Variants in KPNA7 observed in about 807,000 individuals in gnomAD.
KPNA7 encodes the protein importin subunit alpha-8.
Under a neutral mutation model 53.7 loss-of-function variants are expected in KPNA7, and 54 were observed. That is an observed-to-expected ratio of 1.01 (90% CI 0.81 to 1.26). The LOEUF is 1.26. KPNA7 is among the 50% of genes most tolerant of loss of function. The pLI is 0.00. For synonymous variants in KPNA7, 276 were observed against 259.3 expected (o/e 1.06, Z -0.62); for missense variants, 640 against 644.5 (o/e 0.99, Z 0.07).
At chr7:99,162,367 A>C in the KPNA7 span, among the ~76,000 whole-genome samples, 1 of 152,140 alleles carries the variant, frequency 6.6e-6, no homozygotes, top group African/African-American at 2.4e-5. Flanking sequence ...TTTGAGGTAC[A>C]TTACAATTTC....
chr7:99,192,056 A>C (rs1789984432), intron 6 of KPNA7, among the ~76,000 whole-genome samples: 1 of 152,162 alleles, frequency 6.6e-6, no homozygotes, highest in Non-Finnish European at 1.5e-5. Flanking sequence ...CCACAAATCA[A>C]CCAACCTTGA....
chr7:99,192,773 G>C (rs563042091), intron 6 of KPNA7, among the ~76,000 whole-genome samples: 1 of 152,120 alleles, frequency 6.6e-6, no homozygotes, highest in East Asian at 1.9e-4. Flanking sequence ...ATTGGATTTG[G>C]AAGTATGTCC....
At chr7:99,162,518 C>T in the KPNA7 span, among the ~76,000 whole-genome samples, 1 of 152,188 alleles carries the variant, frequency 6.6e-6, no homozygotes, top group South Asian at 2.1e-4. Context: ...GGCACCCAGC[C>T]AGAAGGTGAC....
chr7:99,177,221 G>C (rs1440140748), intron 10 of KPNA7, among the ~76,000 whole-genome samples: 2 of 152,194 alleles, frequency 1.3e-5, no homozygotes, highest in African/African-American at 4.8e-5. Context: ...AAGGGCTAGG[G>C]GAAAGGTGTG....
chr7:99,190,065 G>A (rs909874121), intron 6 of KPNA7, among the ~76,000 whole-genome samples: 7 of 152,076 alleles, frequency 4.6e-5, no homozygotes, highest in East Asian at 3.9e-4. Context: ...TCGGCTGGGC[G>A]TGGTGGCTCA....
intron 8 of KPNA7, among the ~76,000 whole-genome samples, chr7:99,183,654 A>G (rs1303957139): frequency 2.0e-5 from 3 of 152,076 alleles, no homozygotes; most frequent in Admixed American, 2.0e-4. Context: ...GCCTGAGAAC[A>G]GGAACACCGC....
chr7:99,180,703 GTGTCTC>G (rs2150709499), intron 9 of KPNA7, among the ~76,000 whole-genome samples: 1 of 70,076 alleles, frequency 1.4e-5, no homozygotes, highest in East Asian at 6.2e-4. Context: ...GTCTCTGTCT[GTGTCTC>G]TCTCTCTCTC....
chr7:99,215,652 C>T (rs1252628214), intron 1 of KPNA7, among the ~76,000 whole-genome samples: 2 of 152,060 alleles, frequency 1.3e-5, no homozygotes, highest in African/African-American at 4.8e-5. Flanking sequence ...TGGCTGTTGG[C>T]AGCGACCAGG....
rs2150749857 is a variant in KPNA7, at chr7:99,194,990, T to TACC, written c.553+77_553+79dup. 7 of 1,447,544 alleles carry TACC rather than the reference T, an allele frequency of 4.8e-6. No individual in the cohort carries two copies. The South Asian group carries it at 9.5e-5, about 20-fold the overall frequency. 89.7% of individuals were successfully genotyped at this position (1,447,544 alleles called of 1,614,324 possible). On this transcript the variant is annotated intron_variant, in intron 5 of 10. Transcript: ENST00000327442. ...GCAAAGTGTTCTGGGACATCGAGTATACCCCACCACCCAAAGAAACCTTAT... is the reference window on the plus strand; with the variant it reads ...GCAAAGTGTTCTGGGACATCGAGTATACCACCCCACCACCCAAAGAAACCTTAT...
chr7:99,187,798 TTAAAAAAAAAAAAAAA>T (rs1340056935), intron 7 of KPNA7, among the ~76,000 whole-genome samples: 176 of 2,892 alleles, frequency 0.061, 2 homozygotes, highest in Middle Eastern at 0.25. Context: ...GCCTTTTTTT[TTAAAAAAAAAAAAAAA>T]AAAAAAAAAA....
At chr7:99,147,527 A>G in the KPNA7 span, among the ~76,000 whole-genome samples, 1 of 152,268 alleles carries the variant, frequency 6.6e-6, no homozygotes, top group Non-Finnish European at 1.5e-5. Flanking sequence ...ACAGTGGCTC[A>G]CGCCTGTAAT....
At chr7:99,203,069 A>C in intron 3 of KPNA7, 37 bp downstream of exon 3, 1 of 1,541,026 alleles carries the variant, frequency 6.5e-7, no homozygotes. Flanking sequence ...CTAAGAACAT[A>C]TTTTGCCCAA....
At chr7:99,168,925 C>G (rs1219274450), downstream of KPNA7, among the ~76,000 whole-genome samples, 1 of 152,210 alleles carries the variant, frequency 6.6e-6, no homozygotes, top group African/African-American at 2.4e-5. Context: ...GTGGCTCACA[C>G]CTGTAATCCC....
At chr7:99,219,037 C>T (rs915366146) in intron 1 of KPNA7, among the ~76,000 whole-genome samples, 6 of 152,232 alleles carry the variant, frequency 3.9e-5, no homozygotes, top group African/African-American at 1.4e-4. Flanking sequence ...CAGCCCTTGG[C>T]CCCACCTCAC....
chr7:99,201,683 G>A (rs147732278), intron 3 of KPNA7, among the ~76,000 whole-genome samples: 238 of 148,412 alleles, frequency 1.6e-3, no homozygotes, highest in African/African-American at 4.8e-3. Context: ...AGCTAATATG[G>A]GACCAAAAGA....
chr7:99,178,747 C>A (rs1484296304), intron 9 of KPNA7, among the ~76,000 whole-genome samples: 1 of 125,730 alleles, frequency 8.0e-6, no homozygotes, highest in African/African-American at 3.1e-5. Context: ...TGAGCCACTG[C>A]ATTTGGCCCA....
At position 99,188,447 on chromosome 7, in the gene KPNA7, C is replaced by T; in HGVS notation, c.753G>A (p.Gln251=). Residue 251 remains glutamine, a synonymous_variant, in exon 7 of 11, where the codon CAG becomes CAA. Transcript: ENST00000327442. ...CCGAGAGAACCTCACTGTCCTGGTG[C>T]TGCAGGAGGTGAAGGAGGGCCGGCA... ...QILPALLHLL[Q]HQDSEVLSDA... is the part of the protein sequence containing the mutation. 1.3e-6 allele frequency: 2 copies of T among 1,551,652 alleles called. No homozygotes were observed. The highest frequency in any genetic ancestry group is 1.2e-5 in the South Asian group (1 of 84,054).
In KPNA7 at chr7:99,181,037, GTC is replaced by G. The variant is rs1220842120; in HGVS notation, c.1317+844_1317+845del. On this transcript the variant is annotated intron_variant, in intron 9 of 10. Transcript: ENST00000327442. Reference sequence around the variant, plus strand: ...TCTGTGTGTGTGTCTCTCTGTGTGTGTCTCTCTCTCTCTCTCCGTCTGTGTCT... The same window carrying G: ...TCTGTGTGTGTGTCTCTCTGTGTGTGTCTCTCTCTCTCTCCGTCTGTGTCT... Among the ~76,000 whole-genome samples the G allele has an allele frequency of 5.4e-4, 35 of 65,366 alleles. 12 individuals carry two copies. The highest frequency in any genetic ancestry group is 2.3e-3 in the African/African-American group (29 of 12,718). The allele number at this position is 65,366 out of a possible 152,430, so 42.9% of individuals were successfully genotyped here.
intron 10 of KPNA7, among the ~76,000 whole-genome samples, chr7:99,175,207 A>AT (rs558625724): frequency 7.2e-5 from 11 of 151,966 alleles, no homozygotes; most frequent in East Asian, 1.9e-4. Flanking sequence ...CTTTGAGAGC[A>AT]TTTTTTTTCT....
Sources: gnomAD v4.1 joint callset for allele counts (sites outside exome capture counted in the v4.1 genomes callset) on GRCh38, gnomAD v4.1.1 for gene constraint, MANE v1.5 for transcripts, NCBI Gene and HGNC (gene_info 2026-07-23, HGNC 2026-07-21) for gene names.